Variants in ENY2 observed in about 807,000 individuals in gnomAD.
ENY2 encodes the protein transcription and mRNA export factor ENY2.
Under a neutral mutation model 15.9 loss-of-function variants are expected in ENY2, and 4 were observed. The ratio of observed to expected loss-of-function variants is 0.25; its 90% CI spans 0.12 to 0.57. The LOEUF is 0.57. ENY2 is among the 20% of genes least tolerant of loss of function. The pLI, the probability that ENY2 is intolerant of heterozygous loss-of-function variation, is 0.91. For synonymous variants in ENY2, 48 were observed against 38.0 expected (o/e 1.26, Z -0.97); for missense variants, 54 against 117.2 (o/e 0.46, Z 2.49).
intron 3 of ENY2, 156 bp from the exon 4 acceptor site, chr8:109,340,328 ATACTT>A: frequency 1.0e-6 from 1 of 957,990 alleles, no homozygotes; most frequent in Non-Finnish European, 1.5e-6. Context: ...GATCTAAAGA[ATACTT>A]GATGTGTTTG....
intron 2 of ENY2, 151 bp from the exon 3 acceptor site, chr8:109,339,169 C>T (rs927365752): frequency 4.8e-6 from 3 of 628,050 alleles, no homozygotes; most frequent in Non-Finnish European, 8.4e-6. Flanking sequence ...GATCAAAGAA[C>T]TATTTAGCAT....
chr8:109,336,928 G>A (rs1815998166), intron 2 of ENY2, among the ~76,000 whole-genome samples: 3 of 151,942 alleles, frequency 2.0e-5, no homozygotes. Flanking sequence ...AGACAAATAT[G>A]TATAAGGAAG....
rs578242196 is a variant in ENY2, at chr8:109,343,173, C to T, written c.230-232C>T. ...TCTTTACTCCTAAAGAATTTTCTCA[C>T]GTTTTCTTCTCATCAACATGCAGTG... On this transcript the variant is annotated intron_variant, in intron 4 of 4. Coordinates refer to ENST00000521688, the MANE Select transcript of ENY2 (RefSeq NM_020189.6). Among the ~76,000 whole-genome samples the T allele has an allele frequency of 5.3e-5, 8 of 152,226 alleles. No homozygotes were observed. The East Asian group carries it at 9.7e-4, about 18-fold the overall frequency.
intron 2 of ENY2, among the ~76,000 whole-genome samples, chr8:109,336,920 ACAAATATGTATAAGGAAGAGG>A (rs1316807039): frequency 2.0e-5 from 3 of 152,008 alleles, no homozygotes; most frequent in Non-Finnish European, 4.4e-5. Flanking sequence ...AGTGAGTAAG[ACAAATATGTATAAGGAAGAGG>A]CAAATATGTA....
chr8:109,339,602 G>T, intron 3 of ENY2: 1 of 443,196 alleles, frequency 2.3e-6, no homozygotes, highest in Non-Finnish European at 4.0e-6. Context: ...GAGCACTTAA[G>T]ATTTTCTCTG....
At chr8:109,337,521 G>A (rs555847954) in intron 2 of ENY2, among the ~76,000 whole-genome samples, 3 of 152,154 alleles carry the variant, frequency 2.0e-5, no homozygotes, top group Non-Finnish European at 2.9e-5. Context: ...ATAAAACTGT[G>A]TAATAATGTC....
At position 109,339,354 on chromosome 8, in the gene ENY2, T is replaced by C; in HGVS notation, c.118T>C (p.Cys40Arg). ...GTTGCTGAGAGCTAAATTAATTGAA[T>C]GTGGCTGGAAGGATCAGTTGAAGGC... is the stretch of plus-strand genomic sequence containing the variant. ...KELLRAKLIECGWKDQLKAHC... is the reference protein window; with the variant it reads ...KELLRAKLIERGWKDQLKAHC... Residue 40 changes from cysteine (C) to arginine (R), a missense_variant, in exon 3 of 5, where the codon TGT becomes CGT. By Grantham distance (180) the Cys-to-Arg change is radical. Coordinates refer to ENST00000521688, the MANE Select transcript of ENY2 (RefSeq NM_020189.6). The C allele has an allele frequency of 6.2e-7, 1 of 1,614,026 alleles. No individual in the cohort carries two copies. The highest frequency in any genetic ancestry group is 8.5e-7 in the Non-Finnish European group (1 of 1,179,914).
chr8:109,339,514 C>A, intron 3 of ENY2, 124 bp downstream of exon 3: 2 of 772,950 alleles, frequency 2.6e-6, no homozygotes, highest in South Asian at 2.0e-5. Flanking sequence ...GGAATTTAAT[C>A]TTGTAATGGT....
chr8:109,339,117 C>T (rs559859481), intron 2 of ENY2: 1 of 578,046 alleles, frequency 1.7e-6, no homozygotes, highest in East Asian at 2.8e-5. Flanking sequence ...TTAAATGAGA[C>T]CCAGATGAAA....
chr8:109,340,268 T>C (rs1816084854), intron 3 of ENY2: 7 of 538,134 alleles, frequency 1.3e-5, no homozygotes, highest in South Asian at 1.3e-4. Context: ...GTCACAATTA[T>C]TTAGTTGCTG....
At position 109,339,303 on chromosome 8, in the gene ENY2, C is replaced by A. The variant is rs765821865; in HGVS notation, c.84-17C>A. On this transcript the variant is annotated splice_polypyrimidine_tract_variant and intron_variant, in intron 2 of 4. Transcript: ENST00000521688. Reference sequence around the variant, plus strand: ...TGTTATACATTGTTCAATTTGAAAACACTTCTGTTTCAACAGCCTCAAAGA... The same window carrying A: ...TGTTATACATTGTTCAATTTGAAAAAACTTCTGTTTCAACAGCCTCAAAGA... The A allele has an allele frequency of 6.2e-7, 1 of 1,611,934 alleles. No individual in the cohort carries two copies. Among genetic ancestry groups the A allele is most frequent in the East Asian group, 2.2e-5 (1 of 44,816 alleles).
In ENY2 at chr8:109,345,152, C is replaced by G. The variant is rs1382691805; in HGVS notation, c.*1671C>G. 1 of 152,168 alleles carries G rather than the reference C, an allele frequency of 6.6e-6. No individual in the cohort carries two copies. The highest frequency in any genetic ancestry group is 1.5e-5 in the Non-Finnish European group (1 of 68,050). The allele number at this position is 152,168 out of a possible 1,614,324, so 9.4% of individuals were successfully genotyped here. A position where few individuals can be genotyped will look rare whatever the true frequency, so the allele number is the denominator to read the frequency against. On this transcript the variant is annotated 3_prime_UTR_variant, in exon 5 of 5. Coordinates refer to ENST00000521688, the MANE Select transcript of ENY2 (RefSeq NM_020189.6). ...CTAAAACATTCAGACATCCCTCTGACTTAGATCCCCCACTACTGTTTTTCT... is the reference window on the plus strand; with the variant it reads ...CTAAAACATTCAGACATCCCTCTGAGTTAGATCCCCCACTACTGTTTTTCT...
intron 3 of ENY2, chr8:109,339,724 C>T (rs1261953638): frequency 9.6e-6 from 2 of 207,342 alleles, no homozygotes; most frequent in Non-Finnish European, 9.5e-6. Flanking sequence ...TCTTTCCTGT[C>T]TTTAACAGTG....
intron 2 of ENY2, chr8:109,338,886 ATAG>A (rs1816054168): frequency 6.4e-6 from 1 of 156,346 alleles, no homozygotes; most frequent in East Asian, 1.9e-4. Context: ...AATGGGGGAA[ATAG>A]TAGAGCTAAA....
rs1397991258 is a variant in ENY2, at chr8:109,334,441, TG to T, written c.-25del. The T allele has an allele frequency of 1.9e-6, 3 of 1,613,932 alleles. No individual in the cohort carries two copies. Among genetic ancestry groups the T allele is most frequent in the Non-Finnish European group, 1.7e-6 (2 of 1,179,936 alleles). On this transcript the variant is annotated 5_prime_UTR_variant, in exon 1 of 5. Coordinates refer to ENST00000521688, the MANE Select transcript of ENY2 (RefSeq NM_020189.6). ...CTCAGCGCAAGGGTCATTTCGTCGC[TG>T]GGAAGGGACGGCCCTCGCCCGCGGT... is the stretch of plus-strand genomic sequence containing the variant.
chr8:109,341,688 ATATTT>A (rs1816115337), intron 4 of ENY2, among the ~76,000 whole-genome samples: 1 of 152,208 alleles, frequency 6.6e-6, no homozygotes, highest in African/African-American at 2.4e-5. Flanking sequence ...GTAAAAATAG[ATATTT>A]TAATTTATGT....
At chr8:109,335,194 A>G (rs1375298389) in intron 1 of ENY2, 1 of 152,176 alleles carries the variant, frequency 6.6e-6, no homozygotes, top group African/African-American at 2.4e-5. Flanking sequence ...TTTGTAAGTT[A>G]GGAATTAGTT....
At position 109,334,491 on chromosome 8, in the gene ENY2, G is replaced by T; in HGVS notation, c.6+17G>T. 1 of 1,612,854 alleles carries T rather than the reference G, an allele frequency of 6.2e-7. No homozygotes were observed. On this transcript the variant is annotated intron_variant, in intron 1 of 4. Transcript: ENST00000521688. ...GTGATGGTGGTGAGCTATGCCCGTG[G>T]TCCTCAGGGCCGGGACCCGGGCCCA...
Position 109,344,407 on chromosome 8 carries a change from CTT to C in ENY2, c.*927_*928del. 1 of 152,214 alleles carries C rather than the reference CTT, an allele frequency of 6.6e-6. No homozygotes were observed. The highest frequency in any genetic ancestry group is 6.5e-5 in the Admixed American group (1 of 15,272). 9.4% of individuals were successfully genotyped at this position (152,214 alleles called of 1,614,324 possible). On this transcript the variant is annotated 3_prime_UTR_variant, in exon 5 of 5. Transcript: ENST00000521688. ...CTTTTCCTGAGCAAATCCCAGGAAA[CTT>C]GCGTCAGACCGTGACTTCAAATACA...
Sources: allele counts gnomAD v4.1 joint callset (sites outside exome capture counted in the v4.1 genomes callset), GRCh38; gene constraint gnomAD v4.1.1; transcripts MANE v1.5; gene names NCBI Gene and HGNC (gene_info 2026-07-23, HGNC 2026-07-21).